The following TNFRSF1B variants were observed in gnomAD, a reference collection of about 807,000 sequenced individuals.
TNFRSF1B encodes the protein TNF receptor superfamily member 1B.
A neutral mutation model predicts 44.6 loss-of-function variants in TNFRSF1B; 19 were observed. The ratio of observed to expected loss-of-function variants is 0.43; its 90% confidence interval spans 0.30 to 0.62. The LOEUF is 0.62. TNFRSF1B is among the 20% of genes least tolerant of loss of function. The probability of loss-of-function intolerance (pLI) is 0.16; values close to 1 mark genes in which losing one functional copy is unlikely to be tolerated. For missense variants in TNFRSF1B, 541 were observed against 619.9 expected (o/e 0.87, Z 1.35); for synonymous variants, 252 against 261.1 (o/e 0.97, Z 0.34).
In TNFRSF1B at chr1:12,186,264, G is replaced by T. The variant is rs2101098236; in HGVS notation, c.79-2532G>T. 6.6e-6 allele frequency among the ~76,000 whole-genome samples: 1 copy of T among 152,322 alleles called. No homozygotes were observed. The highest frequency in any genetic ancestry group is 1.9e-4 in the East Asian group (1 of 5,170). ...TAGCCCTGCTTGTCACTCGCTATAGGTGCAGCCAAACGCTCAGCAGGCCCA... is the reference window on the plus strand; with the variant it reads ...TAGCCCTGCTTGTCACTCGCTATAGTTGCAGCCAAACGCTCAGCAGGCCCA... On this transcript the variant is annotated intron_variant, in intron 1 of 9. Transcript: ENST00000376259. The surrounding 1 kb of genome is among the most constrained non-coding windows in gnomAD (Gnocchi z 4.8).
At position 12,168,486 on chromosome 1, in the gene TNFRSF1B, C is replaced by T. The variant is rs1008784200; in HGVS notation, c.78+1317C>T. Among the ~76,000 whole-genome samples the T allele has an allele frequency of 2.6e-5, 4 of 152,098 alleles. No homozygotes were observed. Among genetic ancestry groups the T allele is most frequent in the African/African-American group, 4.8e-5 (2 of 41,428 alleles). Reference sequence around the variant, plus strand: ...CTCTAGGGCCGAGTGTGAATGGGGACGACCGTGGTCCCCAGCTTGACTTTG... The same window carrying T: ...CTCTAGGGCCGAGTGTGAATGGGGATGACCGTGGTCCCCAGCTTGACTTTG... On this transcript the variant is annotated intron_variant, in intron 1 of 9. Transcript: ENST00000376259. The surrounding 1 kb of genome is among the most constrained non-coding windows in gnomAD (Gnocchi z 4.7).
chr1:12,205,866 G>A (rs1172760918), intron 9 of TNFRSF1B, among the ~76,000 whole-genome samples: 2 of 152,012 alleles, frequency 1.3e-5, no homozygotes, highest in African/African-American at 4.8e-5. Flanking sequence ...GACCTCAGGC[G>A]ATCCACCTGC....
chr1:12,208,775 G>A lies in TNFRSF1B; in HGVS notation c.*1755G>A, dbSNP rs896910930. On this transcript the variant is annotated 3_prime_UTR_variant, in exon 10 of 10. Coordinates refer to ENST00000376259, the MANE Select transcript of TNFRSF1B (RefSeq NM_001066.3). ...AGCCCAGCCATTACCATGGAGACAA[G>A]AAGGGTTTTCCACCCTGGAATCAAG... 2.6e-5 allele frequency: 4 copies of A among 152,258 alleles called. No individual in the cohort carries two copies. Among genetic ancestry groups the A allele is most frequent in the African/African-American group, 9.6e-5 (4 of 41,460 alleles). 9.4% of individuals were successfully genotyped at this position (152,258 alleles called of 1,614,324 possible). A position where few individuals can be genotyped will look rare whatever the true frequency, so the allele number is the denominator to read the frequency against.
At chr1:12,194,704 G>A (rs1353940998) in intron 8 of TNFRSF1B, 86 bp downstream of exon 8, 7 of 1,532,598 alleles carry the variant, frequency 4.6e-6, no homozygotes, top group Non-Finnish European at 5.4e-6. Flanking sequence ...AGTGAATTCT[G>A]TCATTGGTCT....
intron 8 of TNFRSF1B, among the ~76,000 whole-genome samples, chr1:12,195,575 T>C (rs112962490): frequency 1.3e-5 from 2 of 152,292 alleles, no homozygotes; most frequent in African/African-American, 4.8e-5. Flanking sequence ...ATCGGATGCC[T>C]TCCCAGAAGC....
chr1:12,190,167 ACT>A (rs890466909), intron 2 of TNFRSF1B, among the ~76,000 whole-genome samples: 1 of 151,476 alleles, frequency 6.6e-6, no homozygotes, highest in Non-Finnish European at 1.5e-5. Context: ...AGGGAAAGTG[ACT>A]CTCTTCTTTC....
At chr1:12,181,036 C>A (rs182415948) in intron 1 of TNFRSF1B, among the ~76,000 whole-genome samples, 15 of 152,298 alleles carry the variant, frequency 9.8e-5, no homozygotes, top group African/African-American at 3.6e-4. Context: ...GTCACACTGT[C>A]ACAGCAGCGG....
chr1:12,176,087 T>C (rs183311134), intron 1 of TNFRSF1B, among the ~76,000 whole-genome samples: 1 of 148,286 alleles, frequency 6.7e-6, no homozygotes, highest in East Asian at 2.0e-4. Context: ...GGCGTGGTGG[T>C]GTGCACCTGT....
intron 7 of TNFRSF1B, 45 bp downstream of exon 7, chr1:12,194,077 T>A: frequency 1.3e-6 from 2 of 1,536,274 alleles, no homozygotes; most frequent in African/African-American, 2.7e-5. Context: ...TTCAGGAAGC[T>A]TTTGTGGGGT....
Position 12,171,203 on chromosome 1 carries a change from C to T in TNFRSF1B, c.78+4034C>T, listed in dbSNP as rs1438973447. On this transcript the variant is annotated intron_variant, in intron 1 of 9. Coordinates refer to ENST00000376259, the MANE Select transcript of TNFRSF1B (RefSeq NM_001066.3). This position sits in a 1 kb window ranked among gnomAD's most constrained non-coding sequence, Gnocchi z 4.5. Reference sequence around the variant, plus strand: ...TTTTTTTTTTTTTTTTAGTAGAGACCGGGTTTTGCCATGTTGGCCAGGCTG... The same window carrying T: ...TTTTTTTTTTTTTTTTAGTAGAGACTGGGTTTTGCCATGTTGGCCAGGCTG... Among the ~76,000 whole-genome samples, 2 of 149,784 alleles carry T rather than the reference C, an allele frequency of 1.3e-5. No homozygotes were observed. The highest frequency in any genetic ancestry group is 2.5e-5 in the African/African-American group (1 of 40,536).
intron 1 of TNFRSF1B, among the ~76,000 whole-genome samples, chr1:12,183,677 T>TA (rs1329800555): frequency 3.9e-5 from 5 of 128,490 alleles, no homozygotes; most frequent in African/African-American, 5.4e-5. Flanking sequence ...TCTATCTATC[T>TA]ATCTATCTAT....
At chr1:12,192,238 GT>G (rs1386248043) in intron 4 of TNFRSF1B, 192 bp from the exon 5 acceptor site, 6 of 712,830 alleles carry the variant, frequency 8.4e-6, no homozygotes, top group Non-Finnish European at 1.5e-5. Flanking sequence ...GTGCATGTGT[GT>G]ACAGGAATCT....
intron 8 of TNFRSF1B, among the ~76,000 whole-genome samples, chr1:12,195,206 G>C (rs1202497307): frequency 1.3e-5 from 2 of 152,210 alleles, no homozygotes; most frequent in Non-Finnish European, 2.9e-5. Flanking sequence ...GCCTGCGAAG[G>C]CTTTTTGTTA....
chr1:12,206,529 A>T (rs1244123686), intron 9 of TNFRSF1B, among the ~76,000 whole-genome samples: 1 of 152,058 alleles, frequency 6.6e-6, no homozygotes, highest in East Asian at 1.9e-4. Flanking sequence ...GTAGGTAGTG[A>T]TGCTATTCTT....
chr1:12,172,733 C>A (rs1321364270), intron 1 of TNFRSF1B, among the ~76,000 whole-genome samples: 3 of 152,246 alleles, frequency 2.0e-5, no homozygotes, highest in African/African-American at 7.2e-5. Flanking sequence ...TGCTTGACAG[C>A]CTGGTCTTAG....
In TNFRSF1B at chr1:12,178,037, C is replaced by T. The variant is rs560491261; in HGVS notation, c.79-10759C>T. Among the ~76,000 whole-genome samples the T allele has an allele frequency of 4.6e-5, 7 of 152,296 alleles. No homozygotes were observed. Among genetic ancestry groups the T allele is most frequent in the Admixed American group, 2.0e-4 (3 of 15,304 alleles). ...CACCCCAGGTGGCCAGGCTCCTGAG[C>T]GCTATGCCTACCTCACCCTCCAATG... On this transcript the variant is annotated intron_variant, in intron 1 of 9. Coordinates refer to ENST00000376259, the MANE Select transcript of TNFRSF1B (RefSeq NM_001066.3). This position sits in a 1 kb window ranked among gnomAD's most constrained non-coding sequence, Gnocchi z 4.3.
chr1:12,201,857 A>G, intron 8 of TNFRSF1B, 110 bp from the exon 9 acceptor site: 1 of 1,413,930 alleles, frequency 7.1e-7, no homozygotes, highest in Non-Finnish European at 9.4e-7. Flanking sequence ...CGTCACGTAA[A>G]CTGAGAAGTG....
Position 12,178,735 on chromosome 1 carries a change from AG to A in TNFRSF1B, c.79-10056del, listed in dbSNP as rs1638721978. ...GGCAGCAGCAGTACGGGCATGGAGA[AG>A]GGGGCGGAGGAGCCAGGTGCTGCTT... On this transcript the variant is annotated intron_variant, in intron 1 of 9. Coordinates refer to ENST00000376259, the MANE Select transcript of TNFRSF1B (RefSeq NM_001066.3). This position sits in a 1 kb window ranked among gnomAD's most constrained non-coding sequence, Gnocchi z 4.3. Among the ~76,000 whole-genome samples, 1 of 152,134 alleles carries A rather than the reference AG, an allele frequency of 6.6e-6. No homozygotes were observed. The highest frequency in any genetic ancestry group is 2.1e-4 in the South Asian group (1 of 4,824).
At chr1:12,167,251 G>A in intron 1 of TNFRSF1B, 82 bp downstream of exon 1, 2 of 1,063,824 alleles carry the variant, frequency 1.9e-6, no homozygotes, top group Non-Finnish European at 2.4e-6. Flanking sequence ...TGCCCGGGCC[G>A]CGCTCTCCCG....
Sources: gnomAD v4.1 joint callset for allele counts (sites outside exome capture counted in the v4.1 genomes callset) on GRCh38, gnomAD v4.1.1 for gene constraint, Gnocchi (gnomAD v3.1) non-coding constraint, MANE v1.5 for transcripts, NCBI Gene and HGNC (gene_info 2026-07-23, HGNC 2026-07-21) for gene names.